The following TARP variants were observed in gnomAD, a reference collection of about 807,000 sequenced individuals.
chr7:38,262,769 C>T, the TARP span, among the ~76,000 whole-genome samples: 1 of 151,576 alleles, frequency 6.6e-6, no homozygotes, highest in African/African-American at 2.4e-5. Context: ...ATCCTCCCAT[C>T]TCAGCCTTCT....
chr7:38,261,000 T>C, the TARP span, among the ~76,000 whole-genome samples: 2 of 151,980 alleles, frequency 1.3e-5, no homozygotes, highest in South Asian at 2.1e-4. Context: ...GTCTGCTAAA[T>C]GAGATGCCCT....
chr7:38,270,466 GCAGT>G, the TARP span, among the ~76,000 whole-genome samples: 1 of 150,718 alleles, frequency 6.6e-6, no homozygotes, highest in Non-Finnish European at 1.5e-5. Context: ...TCTAATATAT[GCAGT>G]CAGTGTATGG....
chr7:38,268,517 C>T, the TARP span, among the ~76,000 whole-genome samples: 16,253 of 150,588 alleles, frequency 0.11, 997 homozygotes, highest in South Asian at 0.18. Context: ...ATATCTTGAC[C>T]ATTTTTGGTA....
chr7:38,266,200 A>G, the TARP span, among the ~76,000 whole-genome samples: 429 of 151,728 alleles, frequency 2.8e-3, 2 homozygotes, highest in African/African-American at 0.01. Flanking sequence ...AATATGACAC[A>G]TTCTCATGTT....
the TARP span, chr7:38,273,491 T>A: frequency 2.0e-6 from 2 of 1,017,786 alleles, no homozygotes; most frequent in Non-Finnish European, 3.0e-6. Context: ...TTCACCATGA[T>A]TAGTGACCAA....
the TARP span, among the ~76,000 whole-genome samples, chr7:38,267,431 G>A: frequency 6.6e-6 from 1 of 151,848 alleles, no homozygotes; most frequent in Non-Finnish European, 1.5e-5. Context: ...TGGCTGGTTT[G>A]AAGTGAATTT....
chr7:38,261,897 A>G, the TARP span, among the ~76,000 whole-genome samples: 1 of 150,982 alleles, frequency 6.6e-6, no homozygotes, highest in Non-Finnish European at 1.5e-5. Context: ...GAAAAGAAAA[A>G]GAAAAAAGAC....
chr7:38,268,255 T>C, the TARP span, among the ~76,000 whole-genome samples: 1 of 151,568 alleles, frequency 6.6e-6, no homozygotes, highest in Admixed American at 6.6e-5. Context: ...TGTACATTTA[T>C]TTGCAAAATC....
At chr7:38,267,503 C>G in the TARP span, among the ~76,000 whole-genome samples, 1 of 150,548 alleles carries the variant, frequency 6.6e-6, no homozygotes, top group South Asian at 2.1e-4. Flanking sequence ...GAAAAGAAAA[C>G]AGTCTTGATA....
chr7:38,262,675 G>T, the TARP span, among the ~76,000 whole-genome samples: 1 of 151,240 alleles, frequency 6.6e-6, no homozygotes, highest in Non-Finnish European at 1.5e-5. Context: ...TTGAGGCAGG[G>T]TCTCACTGTC....
At chr7:38,265,593 T>C in the TARP span, 2 of 1,612,162 alleles carry the variant, frequency 1.2e-6, no homozygotes, top group Non-Finnish European at 1.7e-6. Context: ...GACAAAGGTA[T>C]GTTCCAGCCT....
chr7:38,262,328 A>G, the TARP span: 1 of 782,586 alleles, frequency 1.3e-6, no homozygotes, highest in Non-Finnish European at 2.2e-6. Flanking sequence ...TATTAAAAAT[A>G]TGAGCCCACA....
At chr7:38,265,910 A>C in the TARP span, among the ~76,000 whole-genome samples, 5 of 151,698 alleles carry the variant, frequency 3.3e-5, no homozygotes, top group Admixed American at 2.0e-4. Context: ...CACAGCTCTC[A>C]AATGTCAGAT....
At chr7:38,261,518 G>C in the TARP span, among the ~76,000 whole-genome samples, 92 of 151,364 alleles carry the variant, frequency 6.1e-4, no homozygotes, top group Non-Finnish European at 1.3e-3. Flanking sequence ...AAAGACCAAA[G>C]ACTAAAACAA....
At chr7:38,268,655 G>A in the TARP span, among the ~76,000 whole-genome samples, 3 of 151,324 alleles carry the variant, frequency 2.0e-5, no homozygotes, top group African/African-American at 7.3e-5. Context: ...AAAGCACATA[G>A]AACAACAAAA....
the TARP span, among the ~76,000 whole-genome samples, chr7:38,263,250 G>A: frequency 6.6e-6 from 1 of 152,078 alleles, no homozygotes; most frequent in Non-Finnish European, 1.5e-5. Context: ...ACTGAAGTGA[G>A]TTGTATTATG....
chr7:38,270,370 C>T, the TARP span, among the ~76,000 whole-genome samples: 1 of 151,770 alleles, frequency 6.6e-6, no homozygotes. Flanking sequence ...TCACAAGAAA[C>T]ATGGCTTTCA....
chr7:38,264,217 A>G, the TARP span, among the ~76,000 whole-genome samples: 3 of 151,118 alleles, frequency 2.0e-5, no homozygotes, highest in Admixed American at 6.6e-5. Context: ...CTTCCAAGAA[A>G]GAGCATTAGA....
the TARP span, among the ~76,000 whole-genome samples, chr7:38,271,116 A>T: frequency 6.6e-6 from 1 of 150,940 alleles, no homozygotes; most frequent in Non-Finnish European, 1.5e-5. Context: ...TAATGGTCTG[A>T]CTGTGCTTGT....
Sources: allele counts gnomAD v4.1 joint callset (sites outside exome capture counted in the v4.1 genomes callset), GRCh38; gene constraint gnomAD v4.1.1; transcripts MANE v1.5.